BFSP1: variants seen among roughly 807,000 people sequenced by gnomAD.
BFSP1 encodes beaded filament structural protein 1, also known as filensin.
In BFSP1, 38 loss-of-function variants were observed where a neutral mutation model predicts 43.9. The ratio of observed to expected loss-of-function variants is 0.87; its 90% CI spans 0.67 to 1.14. The LOEUF is 1.14. BFSP1 is among the 50% of genes most tolerant of loss of function. The pLI is 0.00. For missense variants in BFSP1, 850 were observed against 875.1 expected (o/e 0.97, Z 0.36); for synonymous variants, 352 against 354.8 (o/e 0.99, Z 0.09).
In BFSP1 at chr20:17,507,641, T is replaced by TCA. The variant is rs144501498; in HGVS notation, c.735+1246_735+1247dup. ...ACATATATCACACATACCATGTATA[T>TCA]CACACACACACACCCCATGTACACA... On this transcript the variant is annotated intron_variant, in intron 5 of 7. Coordinates refer to ENST00000377873, the MANE Select transcript of BFSP1 (RefSeq NM_001195.5). The surrounding 1 kb of genome is among the most constrained non-coding windows in gnomAD (Gnocchi z 4.4). Among the ~76,000 whole-genome samples the TCA allele has an allele frequency of 8.6e-5, 13 of 151,716 alleles. No individual in the cohort carries two copies. The highest frequency in any genetic ancestry group is 1.6e-4 in the Non-Finnish European group (11 of 67,892).
intron 1 of BFSP1, among the ~76,000 whole-genome samples, chr20:17,568,968 T>C (rs1213035483): frequency 1.3e-5 from 2 of 152,204 alleles, no homozygotes. Flanking sequence ...GGGATTCATC[T>C]GGGCCCTCTG....
intron 1 of BFSP1, among the ~76,000 whole-genome samples, chr20:17,548,954 C>T (rs2034850664): frequency 6.6e-6 from 1 of 152,100 alleles, no homozygotes; most frequent in Non-Finnish European, 1.5e-5. Context: ...ACTACAAGCA[C>T]ATGCCACCAC....
intron 1 of BFSP1, among the ~76,000 whole-genome samples, chr20:17,553,699 C>T (rs990410764): frequency 5.3e-5 from 8 of 149,772 alleles, no homozygotes; most frequent in East Asian, 2.0e-4. Context: ...CAAGGCCTTT[C>T]GGATTTATTA....
At chr20:17,516,012 GGCCTTGAGACT>G (rs1233410996) in intron 2 of BFSP1, among the ~76,000 whole-genome samples, 1 of 152,196 alleles carries the variant, frequency 6.6e-6, no homozygotes, top group African/African-American at 2.4e-5. Context: ...GGTCTGGCAA[GGCCTTGAGACT>G]GCACTCTTAA....
intron 5 of BFSP1, among the ~76,000 whole-genome samples, chr20:17,503,896 C>T (rs1457649561): frequency 2.0e-5 from 3 of 152,188 alleles, no homozygotes; most frequent in South Asian, 2.1e-4. Context: ...AAGTTTTAAA[C>T]TGTAAATAGA....
chr20:17,568,586 C>T (rs1177649163), intron 1 of BFSP1, among the ~76,000 whole-genome samples: 2 of 152,040 alleles, frequency 1.3e-5, no homozygotes, highest in South Asian at 4.1e-4. Flanking sequence ...GGGGATGGGG[C>T]ACACAAATCT....
chr20:17,524,894 C>T lies in BFSP1; in HGVS notation c.392G>A (p.Cys131Tyr). 6.2e-7 allele frequency: 1 copy of T among 1,614,116 alleles called. No homozygotes were observed. The highest frequency in any genetic ancestry group is 8.5e-7 in the Non-Finnish European group (1 of 1,179,956). Reference protein sequence around the residue: ...DEFRSKYENECECQLLLKEML... With the variant: ...DEFRSKYENEYECQLLLKEML... ...TTCTTTTAGCAGGAGTTGACATTCG[C>T]ACTCATTTTCATACCTGCAAATTGG... is the stretch of plus-strand genomic sequence containing the variant. The change falls in exon 2 of 8, where the codon TGC (cysteine) becomes TAC (tyrosine). Residue 131 changes from cysteine to tyrosine, a missense_variant. Coordinates refer to ENST00000377873, the MANE Select transcript of BFSP1 (RefSeq NM_001195.5).
At chr20:17,522,098 C>T (rs1457089083) in intron 2 of BFSP1, among the ~76,000 whole-genome samples, 3 of 152,180 alleles carry the variant, frequency 2.0e-5, no homozygotes, top group Non-Finnish European at 1.5e-5. Context: ...AGGACACCAA[C>T]ATCAAGGTCC....
chr20:17,514,886 T>G (rs971910641), intron 2 of BFSP1, 70 bp from the exon 3 acceptor site: 2 of 1,399,624 alleles, frequency 1.4e-6, no homozygotes, highest in African/African-American at 1.4e-5. Context: ...GCCGGGTATA[T>G]GAGCACACAG....
At position 17,525,022 on chromosome 20, in the gene BFSP1, G is replaced by T. The variant is rs1375579982; in HGVS notation, c.378-114C>A. The T allele has an allele frequency of 3.3e-6, 3 of 910,372 alleles. No individual in the cohort carries two copies. The highest frequency in any genetic ancestry group is 5.4e-6 in the Non-Finnish European group (3 of 553,592). 56.4% of individuals were successfully genotyped at this position (910,372 alleles called of 1,614,324 possible). On this transcript the variant is annotated intron_variant, in intron 1 of 7. Transcript: ENST00000377873. The surrounding 1 kb of genome is among the most constrained non-coding windows in gnomAD (Gnocchi z 4.2). ...TACGATGCCCTCTCCTTTAAGGAGA[G>T]GGTCTTAATTTTAAAGTAGTAGCTA...
chr20:17,564,485 C>T (rs191735221), intron 1 of BFSP1, among the ~76,000 whole-genome samples: 10 of 152,244 alleles, frequency 6.6e-5, no homozygotes, highest in Admixed American at 1.3e-4. Context: ...TACACACACA[C>T]GTAATAAAGC....
chr20:17,545,829 A>G (rs2034791295), intron 1 of BFSP1, among the ~76,000 whole-genome samples: 1 of 152,272 alleles, frequency 6.6e-6, no homozygotes, highest in African/African-American at 2.4e-5. Flanking sequence ...ACATTTTGTC[A>G]TGCTGTCGGC....
intron 5 of BFSP1, among the ~76,000 whole-genome samples, chr20:17,504,962 A>C: frequency 6.6e-6 from 1 of 151,202 alleles, no homozygotes. Context: ...AAAAAAGGAA[A>C]CTCATTACAT....
upstream of BFSP1, among the ~76,000 whole-genome samples, chr20:17,535,422 T>A (rs1417894970): frequency 6.6e-6 from 1 of 152,120 alleles, no homozygotes; most frequent in African/African-American, 2.4e-5. Context: ...TCCCAGCTAC[T>A]TGGGAGGCTG....
intron 1 of BFSP1, among the ~76,000 whole-genome samples, chr20:17,566,230 G>A (rs2035117723): frequency 6.6e-6 from 1 of 151,594 alleles, no homozygotes; most frequent in Non-Finnish European, 1.5e-5. Context: ...GCTGTATATT[G>A]ACAGTGTTAT....
Position 17,494,881 on chromosome 20 carries a change from TGTGTCTTCC to T in BFSP1, c.1182_1190del (p.Glu395_Thr397del), listed in dbSNP as rs764369789. 1 of 1,614,246 alleles carries T rather than the reference TGTGTCTTCC, an allele frequency of 6.2e-7. No individual in the cohort carries two copies. The highest frequency in any genetic ancestry group is 8.5e-7 in the Non-Finnish European group (1 of 1,180,034). ...CTTTAAGTACCACCTGTACCAGCTT[TGTGTCTTCC>T]AAACCTTTTAATGGTGCATCTTCCA... On this transcript the variant is annotated inframe_deletion, in exon 8 of 8. Transcript: ENST00000377873.
At chr20:17,540,334 C>T (rs1279192310) in intron 1 of BFSP1, among the ~76,000 whole-genome samples, 1 of 152,126 alleles carries the variant, frequency 6.6e-6, no homozygotes, top group Non-Finnish European at 1.5e-5. Flanking sequence ...CAGCATACAT[C>T]ATCCTTTTCT....
exon 1 of BFSP1, chr20:17,558,912 G>T: frequency 2.0e-6 from 1 of 506,872 alleles, no homozygotes; most frequent in Non-Finnish European, 3.3e-6. Flanking sequence ...CCACAGGATA[G>T]AGAATATAAA....
intron 2 of BFSP1, among the ~76,000 whole-genome samples, chr20:17,523,398 G>T (rs2034356089): frequency 6.6e-6 from 1 of 152,008 alleles, no homozygotes; most frequent in Non-Finnish European, 1.5e-5. Flanking sequence ...GAGGGGTGCT[G>T]TGAAGGGTGC....
Sources: gnomAD v4.1 joint callset for allele counts (sites outside exome capture counted in the v4.1 genomes callset) on GRCh38, gnomAD v4.1.1 for gene constraint, Gnocchi (gnomAD v3.1) non-coding constraint, MANE v1.5 for transcripts, NCBI Gene and HGNC (gene_info 2026-07-23, HGNC 2026-07-21) for gene names.